The following PCDHA5 variants were observed in gnomAD, a reference collection of about 807,000 sequenced individuals.
PCDHA5 encodes protocadherin alpha 5.
A neutral mutation model predicts 61.6 loss-of-function variants in PCDHA5; 43 were observed. The ratio of observed to expected loss-of-function variants is 0.70; its 90% CI spans 0.55 to 0.90. The LOEUF is 0.90. Among genes scored for constraint, PCDHA5 ranks in the 40% least tolerant of loss-of-function variants. PCDHA5 has a pLI of 0.00. For missense variants in PCDHA5, 1,298 were observed against 1,222.7 expected (o/e 1.06, Z -0.92); for synonymous variants, 627 against 543.9 (o/e 1.15, Z -2.13).
rs782520846 is a variant in PCDHA5, at chr5:140,842,848, G to T, written c.2352+18721G>T. On this transcript the variant is annotated intron_variant, in intron 1 of 3. Coordinates refer to ENST00000529859, the MANE Select transcript of PCDHA5 (RefSeq NM_018908.3). ...AGCGCTCGCTGTCGAGCTACATTTC[G>T]GTGCACACGGAGAGCGGCAAGGTGT... The T allele has an allele frequency of 1.9e-6, 3 of 1,593,918 alleles. 1 individual carries two copies. Among genetic ancestry groups the T allele is most frequent in the Non-Finnish European group, 2.6e-6 (3 of 1,165,378 alleles).
chr5:140,890,439 A>G (rs114755692), intron 1 of PCDHA5, among the ~76,000 whole-genome samples: 1 of 152,210 alleles, frequency 6.6e-6, no homozygotes, highest in Non-Finnish European at 1.5e-5. Context: ...TACAATACCT[A>G]GTGATATCTT....
At chr5:140,827,407 A>C (rs1402035341) in intron 1 of PCDHA5, among the ~76,000 whole-genome samples, 1 of 152,242 alleles carries the variant, frequency 6.6e-6, no homozygotes, top group African/African-American at 2.4e-5. Flanking sequence ...TGTGATAAAG[A>C]ATATGCTCTA....
chr5:140,928,161 C>T (rs155820), intron 1 of PCDHA5: 1 of 1,613,960 alleles, frequency 6.2e-7, no homozygotes, highest in South Asian at 1.1e-5. Context: ...GTGGCTCACC[C>T]CCACTTAGCA....
intron 1 of PCDHA5, among the ~76,000 whole-genome samples, chr5:140,894,449 A>G (rs1227566097): frequency 6.6e-6 from 1 of 151,950 alleles, no homozygotes; most frequent in Non-Finnish European, 1.5e-5. Flanking sequence ...TCTTTTTTAA[A>G]AAATATTTTA....
At chr5:140,878,747 A>G (rs1371286502) in intron 1 of PCDHA5, among the ~76,000 whole-genome samples, 1 of 152,186 alleles carries the variant, frequency 6.6e-6, no homozygotes, top group Non-Finnish European at 1.5e-5. Context: ...ACTTTCTTAC[A>G]TATCTTTAGT....
intron 1 of PCDHA5, among the ~76,000 whole-genome samples, chr5:140,962,118 C>T (rs561645739): frequency 1.3e-5 from 2 of 152,210 alleles, no homozygotes; most frequent in East Asian, 1.9e-4. Context: ...ATCTCCTAAC[C>T]TTGGCCTCGG....
intron 1 of PCDHA5, chr5:140,835,888 G>T (rs2150247601): frequency 6.2e-7 from 1 of 1,611,944 alleles, no homozygotes; most frequent in Non-Finnish European, 8.5e-7. Flanking sequence ...GTGGGCGAGC[G>T]CGCGCTGTCG....
intron 1 of PCDHA5, chr5:140,855,837 C>A (rs2043640312): frequency 3.3e-6 from 2 of 610,842 alleles, no homozygotes; most frequent in Non-Finnish European, 5.6e-6. Flanking sequence ...ATCGTACTTA[C>A]ACCTAAAGCC....
At position 140,850,017 on chromosome 5, in the gene PCDHA5, G is replaced by T. The variant is rs2150463566; in HGVS notation, c.2352+25890G>T. ...GGGCGAGCGCTCGCTGTCGAGCTAC[G>T]TGTCAGTGCACGCGGAGAGCGGCAA... is the stretch of plus-strand genomic sequence containing the variant. On this transcript the variant is annotated intron_variant, in intron 1 of 3. Transcript: ENST00000529859. The T allele has an allele frequency of 5.6e-6, 9 of 1,596,972 alleles. 2 individuals are homozygous for T. The highest frequency in any genetic ancestry group is 6.9e-6 in the Non-Finnish European group (8 of 1,167,832).
intron 1 of PCDHA5, chr5:140,851,731 T>C (rs1554145521): frequency 3.1e-6 from 3 of 971,456 alleles, no homozygotes; most frequent in African/African-American, 3.5e-5. Flanking sequence ...TCGAGTTCTT[T>C]TGAAATTCAG....
chr5:140,876,699 G>A, intron 1 of PCDHA5: 1 of 1,614,228 alleles, frequency 6.2e-7, no homozygotes, highest in Non-Finnish European at 8.5e-7. Context: ...CGTTGGTGCT[G>A]GACAGCGCCC....
intron 1 of PCDHA5, chr5:140,966,327 C>A (rs1381846026): frequency 5.1e-6 from 2 of 392,388 alleles, no homozygotes; most frequent in East Asian, 3.6e-5. Flanking sequence ...CCGCTGGGAT[C>A]CGGCAGGTCC....
intron 1 of PCDHA5, chr5:140,926,823 G>C (rs1454618329): frequency 6.7e-7 from 1 of 1,496,998 alleles, no homozygotes; most frequent in Non-Finnish European, 8.9e-7. Context: ...TGCTCTCCAG[G>C]AGTCCGGAGC....
At chr5:140,829,388 C>A (rs1554131920) in intron 1 of PCDHA5, 6 of 1,614,056 alleles carry the variant, frequency 3.7e-6, no homozygotes, top group Non-Finnish European at 5.1e-6. Flanking sequence ...CGGGGGCTCG[C>A]CTTCGCTGTG....
intron 1 of PCDHA5, chr5:140,848,435 A>G: frequency 6.8e-7 from 1 of 1,473,142 alleles, no homozygotes; most frequent in Non-Finnish European, 9.3e-7. Flanking sequence ...TGACGAAATC[A>G]GATGATTTCT....
intron 1 of PCDHA5, chr5:140,830,636 T>G (rs2150188320): frequency 2.0e-6 from 1 of 504,942 alleles, no homozygotes; most frequent in Non-Finnish European, 3.1e-6. Flanking sequence ...TTTTAATCTC[T>G]TTGCTTCTTT....
Position 140,822,736 on chromosome 5 carries a change from G to A in PCDHA5, c.961G>A (p.Ala321Thr). 1 of 1,613,386 alleles carries A rather than the reference G, an allele frequency of 6.2e-7. No individual in the cohort carries two copies. Among genetic ancestry groups the A allele is most frequent in the Non-Finnish European group, 8.5e-7 (1 of 1,179,318 alleles). The change falls in exon 1 of 4, where the codon GCC (alanine) becomes ACC (threonine). Residue 321 changes from alanine (A) to threonine (T), a missense_variant. Coordinates refer to ENST00000529859, the MANE Select transcript of PCDHA5 (RefSeq NM_018908.3). The stretch of plus-strand genomic sequence containing the variant: ...TAACTCATATGAAATTAATATTGAT[G>A]CCATGGATAAAAGTACATTCCCATT... ...DYNSYEINID[A>T]MDKSTFPLSG...
chr5:140,843,104 C>A (rs1327692669), intron 1 of PCDHA5: 3 of 1,595,712 alleles, frequency 1.9e-6, no homozygotes, highest in Non-Finnish European at 1.7e-6. Context: ...AGCGAAGGTG[C>A]GCGCAGTGGA....
At chr5:140,830,856 TG>T (rs1370462098) in intron 1 of PCDHA5, 4 of 153,858 alleles carry the variant, frequency 2.6e-5, no homozygotes, top group African/African-American at 9.6e-5. Flanking sequence ...TACTCTTTTT[TG>T]ATCATATATT....
Sources: allele counts gnomAD v4.1 joint callset (sites outside exome capture counted in the v4.1 genomes callset), GRCh38; gene constraint gnomAD v4.1.1; transcripts MANE v1.5; gene names NCBI Gene and HGNC (gene_info 2026-07-23, HGNC 2026-07-21).